CTNNA3: variants seen among roughly 807,000 people sequenced by gnomAD.
The protein encoded by CTNNA3 is catenin alpha-3.
In CTNNA3, 76 loss-of-function variants were observed where a neutral mutation model predicts 95.7. The ratio of observed to expected loss-of-function variants is 0.79; its 90% CI spans 0.66 to 0.96. The LOEUF (loss-of-function observed/expected upper bound fraction) is 0.96. Among genes scored for constraint, CTNNA3 ranks in the 40% least tolerant of loss-of-function variants. The pLI, the probability that CTNNA3 is intolerant of heterozygous loss-of-function variation, is 0.00. For missense variants in CTNNA3, 1,191 were observed against 1,089.8 expected (o/e 1.09, Z -1.31); for synonymous variants, 431 against 374.4 (o/e 1.15, Z -1.74).
intron 5 of CTNNA3, among the ~76,000 whole-genome samples, chr10:67,231,845 C>T (rs1241936741): frequency 6.6e-6 from 1 of 152,048 alleles, no homozygotes; most frequent in Admixed American, 6.5e-5. Flanking sequence ...AACCAAGGCT[C>T]AAGAACTACG....
intron 7 of CTNNA3, among the ~76,000 whole-genome samples, chr10:66,822,337 C>A (rs893075944): frequency 6.6e-6 from 1 of 152,006 alleles, no homozygotes; most frequent in African/African-American, 2.4e-5. Flanking sequence ...TTAGAACGGG[C>A]CTTCAGAATC....
intron 17 of CTNNA3, among the ~76,000 whole-genome samples, chr10:65,935,707 T>A (rs2077326861): frequency 6.6e-6 from 1 of 152,154 alleles, no homozygotes; most frequent in African/African-American, 2.4e-5. Context: ...TTTCTAAGTG[T>A]GTGTGTGTAA....
chr10:67,239,366 A>T (rs907265943), intron 5 of CTNNA3, among the ~76,000 whole-genome samples: 21 of 1,950 alleles, frequency 0.011, no homozygotes, highest in Admixed American at 0.037. Context: ...TACACGTGAT[A>T]AAAAAAAAAA....
chr10:66,327,336 A>G lies in CTNNA3; in HGVS notation c.1733-46715T>C, dbSNP rs368265319. 4.5e-4 allele frequency among the ~76,000 whole-genome samples: 69 copies of G among 152,216 alleles called. 1 individual carries two copies. The South Asian group carries it at 0.014, about 31-fold the overall frequency. On this transcript the variant is annotated intron_variant, in intron 12 of 17. Coordinates refer to ENST00000433211, the MANE Select transcript of CTNNA3 (RefSeq NM_013266.4). ...TGATGTTCTTCACAGTAGGGAAACAACCATTTATTGCAAATCCTAAATTTG... is the reference window on the plus strand; with the variant it reads ...TGATGTTCTTCACAGTAGGGAAACAGCCATTTATTGCAAATCCTAAATTTG...
intron 10 of CTNNA3, among the ~76,000 whole-genome samples, chr10:66,600,026 T>C (rs1319615339): frequency 6.6e-6 from 1 of 151,920 alleles, no homozygotes; most frequent in Non-Finnish European, 1.5e-5. Context: ...ATTGTTGATA[T>C]GGAAATAAAT....
intron 3 of CTNNA3, among the ~76,000 whole-genome samples, chr10:67,603,322 C>G (rs140552398): frequency 9.7e-4 from 148 of 152,108 alleles, no homozygotes; most frequent in Non-Finnish European, 1.7e-3. Flanking sequence ...GACGGTGGTC[C>G]CATAGGAATA....
In CTNNA3 at chr10:67,308,871, G is replaced by A. The variant is rs527733265; in HGVS notation, c.580-89001C>T. ...AGGCAAAGGCAAAACCAGAATCAGA[G>A]GTACAAATTCCTACTTCAAAACTTT... On this transcript the variant is annotated intron_variant, in intron 5 of 17. Transcript: ENST00000433211. 5.3e-5 allele frequency among the ~76,000 whole-genome samples: 8 copies of A among 152,162 alleles called. No homozygotes were observed. The South Asian group carries it at 1.0e-3, about 20-fold the overall frequency.
chr10:66,234,981 C>T (rs997712760), intron 13 of CTNNA3, among the ~76,000 whole-genome samples: 3 of 152,216 alleles, frequency 2.0e-5, no homozygotes, highest in African/African-American at 7.2e-5. Flanking sequence ...TGAAAGTAGT[C>T]TCTGTCCAAC....
At chr10:67,508,969 T>C (rs1403579587) in intron 5 of CTNNA3, among the ~76,000 whole-genome samples, 1 of 151,936 alleles carries the variant, frequency 6.6e-6, no homozygotes, top group East Asian at 1.9e-4. Context: ...CTCCGCCTCC[T>C]GGGTTCAAGC....
At chr10:67,287,953 T>C (rs908615835) in intron 5 of CTNNA3, among the ~76,000 whole-genome samples, 1 of 152,214 alleles carries the variant, frequency 6.6e-6, no homozygotes, top group African/African-American at 2.4e-5. Flanking sequence ...GCAGTCAATT[T>C]AGCCCCTTCT....
rs149098291 is a variant in CTNNA3 at position 67,508,426 on chromosome 10, A to G, written c.579+13416T>C. On this transcript the variant is annotated intron_variant, in intron 5 of 17. Transcript: ENST00000433211. ...CAATGTGGAAAAAATAGTCTCTTCAATAAGTGGGGTTGGGAAAATTGAATA... is the reference window on the plus strand; with the variant it reads ...CAATGTGGAAAAAATAGTCTCTTCAGTAAGTGGGGTTGGGAAAATTGAATA... Among the ~76,000 whole-genome samples the G allele has an allele frequency of 3.7e-3, 568 of 152,322 alleles. 2 individuals are homozygous for G. Among genetic ancestry groups the G allele is most frequent in the African/African-American group, 0.013 (545 of 41,548 alleles).
At position 67,282,996 on chromosome 10, in the gene CTNNA3, T is replaced by G. The variant is rs1443517153; in HGVS notation, c.580-63126A>C. On this transcript the variant is annotated intron_variant, in intron 5 of 17. Coordinates refer to ENST00000433211, the MANE Select transcript of CTNNA3 (RefSeq NM_013266.4). Reference sequence around the variant, plus strand: ...ATGTAAAAACAGGCCATAAAGAAATTATCTAATCTATTTTGTTTGACATTC... The same window carrying G: ...ATGTAAAAACAGGCCATAAAGAAATGATCTAATCTATTTTGTTTGACATTC... 2.6e-5 allele frequency among the ~76,000 whole-genome samples: 4 copies of G among 152,028 alleles called. No homozygotes were observed. The East Asian group carries it at 7.7e-4, about 29-fold the overall frequency.
chr10:66,647,103 G>A (rs892092681), intron 9 of CTNNA3, among the ~76,000 whole-genome samples: 1 of 152,094 alleles, frequency 6.6e-6, no homozygotes, highest in African/African-American at 2.4e-5. Flanking sequence ...AGAAATAAGT[G>A]CCTCGCACAG....
chr10:66,181,824 A>C (rs2086053875), intron 13 of CTNNA3, among the ~76,000 whole-genome samples: 1 of 152,206 alleles, frequency 6.6e-6, no homozygotes, highest in African/African-American at 2.4e-5. Context: ...TGACATACTA[A>C]TCAGTTACAT....
intron 15 of CTNNA3, among the ~76,000 whole-genome samples, chr10:65,997,439 G>T (rs1434677919): frequency 6.6e-6 from 1 of 152,176 alleles, no homozygotes; most frequent in East Asian, 1.9e-4. Context: ...GAATACTACA[G>T]TTGGAGGTGG....
intron 13 of CTNNA3, among the ~76,000 whole-genome samples, chr10:66,213,278 T>C (rs559518120): frequency 6.6e-6 from 1 of 152,102 alleles, no homozygotes; most frequent in Non-Finnish European, 1.5e-5. Context: ...TGAAGATGAG[T>C]GTAGAAAAAA....
At chr10:67,034,696 AC>A in intron 7 of CTNNA3, among the ~76,000 whole-genome samples, 1 of 152,272 alleles carries the variant, frequency 6.6e-6, no homozygotes, top group South Asian at 2.1e-4. Flanking sequence ...TAACCACATC[AC>A]CACCCTCCTA....
chr10:67,142,006 T>C (rs1194292669), intron 7 of CTNNA3, among the ~76,000 whole-genome samples: 1 of 152,088 alleles, frequency 6.6e-6, no homozygotes, highest in East Asian at 1.9e-4. Context: ...CCTACAGCAA[T>C]AGCTTGATGC....
chr10:66,649,136 G>A (rs749069420), intron 9 of CTNNA3, among the ~76,000 whole-genome samples: 72 of 152,246 alleles, frequency 4.7e-4, no homozygotes, highest in Non-Finnish European at 7.6e-4. Context: ...AGGAATGATT[G>A]AACAATACTT....
Sources: allele counts gnomAD v4.1 joint callset (sites outside exome capture counted in the v4.1 genomes callset), GRCh38; gene constraint gnomAD v4.1.1; transcripts MANE v1.5; gene names NCBI Gene and HGNC (gene_info 2026-07-23, HGNC 2026-07-21).